SLC5A4: variants seen among roughly 807,000 people sequenced by gnomAD.
SLC5A4 encodes solute carrier family 5 member 4.
Under a neutral mutation model 70.3 loss-of-function variants are expected in SLC5A4, and 55 were observed. The observed-to-expected ratio is 0.78, with a 90% CI of 0.63 to 0.98. The LOEUF is 0.98. Among genes scored for constraint, SLC5A4 ranks in the 50% least tolerant of loss-of-function variants. SLC5A4 has a pLI of 0.00. For missense variants in SLC5A4, 735 were observed against 839.2 expected (o/e 0.88, Z 1.53); for synonymous variants, 268 against 305.7 (o/e 0.88, Z 1.29).
At chr22:32,291,857 TAATTTA>T in the SLC5A4 span, among the ~76,000 whole-genome samples, 5 of 142,490 alleles carry the variant, frequency 3.5e-5, no homozygotes, top group East Asian at 4.0e-4. Flanking sequence ...TGTATATATA[TAATTTA>T]TTTTTCTTTT....
the SLC5A4 span, among the ~76,000 whole-genome samples, chr22:32,348,477 G>A: frequency 6.6e-6 from 1 of 152,308 alleles, no homozygotes; most frequent in African/African-American, 2.4e-5. Flanking sequence ...CAGGAAGGAG[G>A]GGAGAGCTGG....
At chr22:32,298,854 T>C in the SLC5A4 span, among the ~76,000 whole-genome samples, 1 of 111,836 alleles carries the variant, frequency 8.9e-6, no homozygotes, top group African/African-American at 3.5e-5. Flanking sequence ...GGCCTGGTGG[T>C]GACAAAATCT....
the SLC5A4 span, among the ~76,000 whole-genome samples, chr22:32,299,884 T>A: frequency 3.4e-5 from 4 of 117,140 alleles, no homozygotes; most frequent in Non-Finnish European, 7.6e-5. Context: ...GAGAGGACCC[T>A]CAGCTGTAGG....
chr22:32,300,133 G>A, the SLC5A4 span, among the ~76,000 whole-genome samples: 72,215 of 151,174 alleles, frequency 0.48, 17,429 homozygotes, highest in Admixed American at 0.51. Flanking sequence ...GCCACCAGAG[G>A]TGGAGCCTAC....
the SLC5A4 span, among the ~76,000 whole-genome samples, chr22:32,278,837 A>C: frequency 2.0e-5 from 3 of 152,242 alleles, no homozygotes; most frequent in Non-Finnish European, 4.4e-5. Context: ...TGGATAAAAA[A>C]AGAAGAAAAC....
the SLC5A4 span, among the ~76,000 whole-genome samples, chr22:32,351,523 G>A: frequency 6.6e-6 from 1 of 151,264 alleles, no homozygotes; most frequent in Non-Finnish European, 1.5e-5. Flanking sequence ...CCAACATGGC[G>A]AAACCCCATC....
the SLC5A4 span, among the ~76,000 whole-genome samples, chr22:32,261,500 C>G: frequency 6.6e-6 from 1 of 152,186 alleles, no homozygotes; most frequent in African/African-American, 2.4e-5. Context: ...AGGCTCACAC[C>G]CAGGGTGCCC....
chr22:32,345,287 A>G, the SLC5A4 span, among the ~76,000 whole-genome samples: 1 of 152,216 alleles, frequency 6.6e-6, no homozygotes, highest in Non-Finnish European at 1.5e-5. Flanking sequence ...TAATTAATAA[A>G]GCCAACCCAC....
chr22:32,272,778 G>A, the SLC5A4 span: 1 of 509,162 alleles, frequency 2.0e-6, no homozygotes, highest in Non-Finnish European at 3.8e-6. Context: ...CAAAAAGTCA[G>A]TGGTGGGAGA....
At chr22:32,252,718 T>C (rs1927243534) in intron 2 of SLC5A4, among the ~76,000 whole-genome samples, 1 of 152,122 alleles carries the variant, frequency 6.6e-6, no homozygotes, top group South Asian at 2.1e-4. Context: ...TCCCATCAGC[T>C]CTTCTCCCTT....
At position 32,248,779 on chromosome 22, in the gene SLC5A4, A is replaced by G. The variant is rs1926977969; in HGVS notation, c.336T>C (p.Leu112=). The change falls in exon 4 of 15, where the codon CTT becomes CTC. Residue 112 remains leucine, a synonymous_variant. Transcript: ENST00000266086. ...TGTAGATAGGGACAAAGATCCACCC[A>G]AGAATCAGCAACATTACTGAGGACT... The part of the protein sequence containing the change: ...EWTSSVMLLI[L]GWIFVPIYIK... The G allele has an allele frequency of 6.2e-7, 1 of 1,613,108 alleles. No homozygotes were observed. Among genetic ancestry groups the G allele is most frequent in the Admixed American group, 1.7e-5 (1 of 60,008 alleles).
At chr22:32,225,919 T>A in intron 11 of SLC5A4, 96 bp from the exon 12 acceptor site, 1 of 839,630 alleles carries the variant, frequency 1.2e-6, no homozygotes, top group Non-Finnish European at 1.8e-6. Context: ...TTGTCACTCA[T>A]TGATTTTCCA....
At chr22:32,306,898 TC>T in the SLC5A4 span, among the ~76,000 whole-genome samples, 1 of 124,038 alleles carries the variant, frequency 8.1e-6, no homozygotes, top group Non-Finnish European at 1.8e-5. Context: ...GACATGCAAT[TC>T]CAAGAAGAGG....
intron 8 of SLC5A4, 150 bp from the exon 9 acceptor site, chr22:32,233,184 A>C: frequency 2.6e-6 from 2 of 778,224 alleles, no homozygotes; most frequent in Non-Finnish European, 4.0e-6. Flanking sequence ...TCATTGCAGC[A>C]CTATTCACAA....
At chr22:32,271,110 C>T in the SLC5A4 span, 34,399 of 596,450 alleles carry the variant, frequency 0.058, 1,694 homozygotes, top group Admixed American at 0.18. Flanking sequence ...CAGCCCCTGC[C>T]GACTGGGACT....
chr22:32,274,215 G>A, the SLC5A4 span, among the ~76,000 whole-genome samples: 1 of 151,736 alleles, frequency 6.6e-6, no homozygotes, highest in African/African-American at 2.4e-5. Flanking sequence ...AATTTTTTTT[G>A]TATTTTAGTA....
the SLC5A4 span, among the ~76,000 whole-genome samples, chr22:32,329,715 TTGGGGACTCTG>T: frequency 2.6e-4 from 4 of 15,572 alleles, no homozygotes; most frequent in Admixed American, 8.5e-4. Context: ...CTGGTGTGTG[TTGGGGACTCTG>T]GTGTGTGTGT....
chr22:32,349,058 T>A, the SLC5A4 span, among the ~76,000 whole-genome samples: 1 of 152,194 alleles, frequency 6.6e-6, no homozygotes, highest in African/African-American at 2.4e-5. Context: ...CACTGCAACC[T>A]CTGCCTCCCA....
the SLC5A4 span, among the ~76,000 whole-genome samples, chr22:32,301,220 CA>C: frequency 6.6e-6 from 1 of 152,324 alleles, no homozygotes; most frequent in East Asian, 1.9e-4. Flanking sequence ...CTCGGCCTCC[CA>C]AAGTGCTGGG....
Sources: allele counts gnomAD v4.1 joint callset (sites outside exome capture counted in the v4.1 genomes callset), GRCh38; gene constraint gnomAD v4.1.1; transcripts MANE v1.5; gene names NCBI Gene and HGNC (gene_info 2026-07-23, HGNC 2026-07-21).